WASHC2A: variants seen among roughly 807,000 people sequenced by gnomAD.
WASHC2A encodes the protein WASH complex subunit FAM21A.
WASHC2A carries 82 observed loss-of-function variants against 140.3 expected under a neutral mutation model. The ratio of observed to expected loss-of-function variants is 0.58; its 90% CI spans 0.49 to 0.70. The LOEUF (loss-of-function observed/expected upper bound fraction) is 0.70. Among genes scored for constraint, WASHC2A ranks in the 30% least tolerant of loss-of-function variants. The probability of loss-of-function intolerance (pLI) is 0.00; values close to 1 mark genes in which losing one functional copy is unlikely to be tolerated. For synonymous variants in WASHC2A, 340 were observed against 560.8 expected (o/e 0.61, Z 5.56); for missense variants, 985 against 1,521.8 (o/e 0.65, Z 5.87).
At position 50,087,787 on chromosome 10, in the gene WASHC2A, G is replaced by A. The variant is rs1220790018; in HGVS notation, c.732+465G>A. Among the ~76,000 whole-genome samples the A allele has an allele frequency of 1.6e-3, 237 of 152,260 alleles. 2 individuals are homozygous for A. Among genetic ancestry groups the A allele is most frequent in the East Asian group, 7.7e-4 (4 of 5,188 alleles). ...CATCTTTCATTTTCTGCCATTTTAT[G>A]TTAACATTTTATAAATGTATCCTTA... On this transcript the variant is annotated intron_variant, in intron 8 of 30. Transcript: ENST00000282633.
At chr10:50,079,882 A>G (rs2132420590) in intron 4 of WASHC2A, among the ~76,000 whole-genome samples, 1 of 151,940 alleles carries the variant, frequency 6.6e-6, no homozygotes, top group East Asian at 1.9e-4. Flanking sequence ...TTAACTCAGA[A>G]TCAAGCATAT....
At chr10:50,068,326 C>T (rs1468440190) in intron 2 of WASHC2A, 99 bp downstream of exon 2, 148 of 1,261,660 alleles carry the variant, frequency 1.2e-4, no homozygotes, top group South Asian at 2.0e-4. Context: ...TGGCCCGTCC[C>T]GTTGCCTGCC....
chr10:50,089,683 G>A (rs1554882063), intron 8 of WASHC2A, among the ~76,000 whole-genome samples: 1 of 152,142 alleles, frequency 6.6e-6, no homozygotes, highest in African/African-American at 2.4e-5. Context: ...GTTATTCTGC[G>A]CTTTTTTGCT....
intron 16 of WASHC2A, among the ~76,000 whole-genome samples, chr10:50,098,077 A>T (rs1452559897): frequency 3.3e-5 from 5 of 151,832 alleles, no homozygotes; most frequent in African/African-American, 1.2e-4. Context: ...TGTTTGCTGC[A>T]TGGAACTGTT....
At chr10:50,124,382 G>T (rs1843246694) in intron 23 of WASHC2A, among the ~76,000 whole-genome samples, 1 of 151,888 alleles carries the variant, frequency 6.6e-6, no homozygotes, top group Non-Finnish European at 1.5e-5. Context: ...GGGATTACAG[G>T]CATGAGCCAC....
At chr10:50,076,312 C>T (rs185121370) in intron 3 of WASHC2A, among the ~76,000 whole-genome samples, 100 of 152,218 alleles carry the variant, frequency 6.6e-4, no homozygotes, top group Non-Finnish European at 1.2e-3. Flanking sequence ...ATTTTATTAG[C>T]GTTTGATTGG....
At chr10:50,094,642 C>G (rs1213118250) in intron 13 of WASHC2A, among the ~76,000 whole-genome samples, 1 of 152,084 alleles carries the variant, frequency 6.6e-6, no homozygotes, top group Non-Finnish European at 1.5e-5. Context: ...GCCTGCTGTG[C>G]GGGCTGCTAG....
intron 20 of WASHC2A, among the ~76,000 whole-genome samples, chr10:50,112,717 A>G (rs1675522190): frequency 6.6e-6 from 1 of 151,932 alleles, no homozygotes; most frequent in Admixed American, 6.6e-5. Context: ...GTTCTTCAGC[A>G]ATAAAAAAGA....
At position 50,068,134 on chromosome 10, in the gene WASHC2A, G is replaced by T. The variant is rs1554874689; in HGVS notation, c.33G>T (p.Leu11=). Residue 11 remains leucine, a synonymous_variant, in exon 2 of 31, where the codon CTG becomes CTT. Coordinates refer to ENST00000282633, the MANE Select transcript of WASHC2A (RefSeq NM_001005751.3). MMNRTTPDQE[L]APASEPVWER... ...ACCGGACGACCCCCGACCAGGAGCT[G>T]GCGCCAGCGTCGGAGCCCGTGTGGG... The T allele has an allele frequency of 6.2e-7, 1 of 1,603,560 alleles. No individual in the cohort carries two copies. Among genetic ancestry groups the T allele is most frequent in the Admixed American group, 1.7e-5 (1 of 59,674 alleles).
intron 19 of WASHC2A, among the ~76,000 whole-genome samples, chr10:50,109,730 G>T (rs1442086233): frequency 2.9e-4 from 44 of 152,236 alleles, no homozygotes; most frequent in Admixed American, 5.9e-4. Flanking sequence ...ATATAAGTTT[G>T]ATTTTACTCC....
At chr10:50,093,444 G>T (rs1706464967) in intron 12 of WASHC2A, 58 bp downstream of exon 12, 6 of 800,440 alleles carry the variant, frequency 7.5e-6, no homozygotes, top group African/African-American at 7.2e-5. Context: ...GGGTCCACAG[G>T]GAAGATATAG....
intron 17 of WASHC2A, among the ~76,000 whole-genome samples, chr10:50,101,499 T>A: frequency 6.6e-6 from 1 of 152,308 alleles, no homozygotes; most frequent in East Asian, 1.9e-4. Flanking sequence ...TCATTGTCTC[T>A]ACTTCCCACT....
At position 50,110,083 on chromosome 10, in the gene WASHC2A, T is replaced by C. The variant is rs1554889847; in HGVS notation, c.1870-18T>C. On this transcript the variant is annotated intron_variant, in intron 19 of 30. Transcript: ENST00000282633. ...CTGCGCCTGGCCTGGAGTTTTAATA[T>C]ATATTTTATGTTTTAAGGACCAGTG... The C allele has an allele frequency of 1.2e-5, 19 of 1,602,706 alleles. No individual in the cohort carries two copies. The East Asian group carries it at 2.7e-4, about 23-fold the overall frequency.
chr10:50,078,753 C>A lies in WASHC2A; in HGVS notation c.354+16C>A, dbSNP rs544936821. Reference sequence around the variant, plus strand: ...AACAGAGCAGGTACTTGTATAAAATCACTCTTAGCTGAGTTTCTGACTTTG... The same window carrying A: ...AACAGAGCAGGTACTTGTATAAAATAACTCTTAGCTGAGTTTCTGACTTTG... On this transcript the variant is annotated intron_variant, in intron 4 of 30. Transcript: ENST00000282633. The A allele has an allele frequency of 3.4e-5, 54 of 1,611,934 alleles. No homozygotes were observed. The East Asian group carries it at 1.2e-3, about 35-fold the overall frequency.
chr10:50,119,563 TCCCCC>T lies in WASHC2A; in HGVS notation c.2296-23_2296-19del. ...GTATTTCCAGGTGTTACTTATTTTT[TCCCCC>T]TATTATTTTCATTTTCAGGAAGGAC... On this transcript the variant is annotated intron_variant, in intron 22 of 30. Transcript: ENST00000282633. 1 of 1,046,024 alleles carries T rather than the reference TCCCCC, an allele frequency of 9.6e-7. No individual in the cohort carries two copies. The highest frequency in any genetic ancestry group is 1.4e-6 in the Non-Finnish European group (1 of 731,752). The allele number at this position is 1,046,024 out of a possible 1,614,324, so 64.8% of individuals were successfully genotyped here.
Position 50,067,985 on chromosome 10 carries a change from C to G in WASHC2A, c.-21C>G, listed in dbSNP as rs1554874460. 1.9e-6 allele frequency: 3 copies of G among 1,604,000 alleles called. No individual in the cohort carries two copies. The highest frequency in any genetic ancestry group is 2.7e-5 in the African/African-American group (2 of 74,786). On this transcript the variant is annotated 5_prime_UTR_variant, in exon 1 of 31. Coordinates refer to ENST00000282633, the MANE Select transcript of WASHC2A (RefSeq NM_001005751.3). The stretch of plus-strand genomic sequence containing the variant: ...CGGCGTGTGCTGGCAGCTTCGGAGC[C>G]CACCGAGCCGGGCGGCTAGGATGGT...
chr10:50,104,096 G>A lies in WASHC2A; in HGVS notation c.1690G>A (p.Gly564Ser), dbSNP rs1429535120. The change falls in exon 18 of 31, where the codon GGC (glycine) becomes AGC (serine). Residue 564 changes from glycine (G) to serine (S), a missense_variant. By Grantham distance (56) the Gly-to-Ser change is moderately conservative (BLOSUM62 0). Coordinates refer to ENST00000282633, the MANE Select transcript of WASHC2A (RefSeq NM_001005751.3). ...GTTAAAAGGTGCGTCTCTGCTGCCT[G>A]GCAAGCTCCCCACGTTGGTTTCCCT... ...SKLKGASLLPGKLPTLVSLFD... is the reference protein window; with the variant it reads ...SKLKGASLLPSKLPTLVSLFD... 2 of 1,458,492 alleles carry A rather than the reference G, an allele frequency of 1.4e-6. No individual in the cohort carries two copies. Among genetic ancestry groups the A allele is most frequent in the Non-Finnish European group, 1.9e-6 (2 of 1,055,354 alleles). 90.3% of individuals were successfully genotyped at this position (1,458,492 alleles called of 1,614,324 possible). A position where few individuals can be genotyped will look rare whatever the true frequency, so the allele number is the denominator to read the frequency against.
intron 19 of WASHC2A, among the ~76,000 whole-genome samples, chr10:50,107,900 G>A (rs1420531122): frequency 2.0e-5 from 2 of 101,760 alleles, no homozygotes; most frequent in Admixed American, 2.3e-4. Context: ...CTCCAGCCTG[G>A]GCAACGAGCG....
chr10:50,127,498 G>A (rs958428663), intron 27 of WASHC2A, 85 bp from the exon 28 acceptor site: 5 of 1,611,718 alleles, frequency 3.1e-6, no homozygotes, highest in African/African-American at 2.7e-5. Context: ...TACATTATGT[G>A]CACCGAATCT....
Sources: allele counts gnomAD v4.1 joint callset (sites outside exome capture counted in the v4.1 genomes callset), GRCh38; gene constraint gnomAD v4.1.1; transcripts MANE v1.5; gene names NCBI Gene and HGNC (gene_info 2026-07-23, HGNC 2026-07-21).